Variants in ZNF558 observed in about 807,000 individuals in gnomAD.
ZNF558 encodes the protein zinc finger protein 558.
A neutral mutation model predicts 37.6 loss-of-function variants in ZNF558; 23 were observed. The observed-to-expected ratio is 0.61, with a 90% CI of 0.44 to 0.87. The LOEUF (loss-of-function observed/expected upper bound fraction) is 0.87. Among genes scored for constraint, ZNF558 ranks in the 40% least tolerant of loss-of-function variants. The pLI, the probability that ZNF558 is intolerant of heterozygous loss-of-function variation, is 0.00. For synonymous variants in ZNF558, 189 were observed against 174.4 expected, an observed-to-expected ratio of 1.08 and a Z score of -0.66; for missense variants, 429 against 483.7, an observed-to-expected ratio of 0.89 and a Z score of 1.06.
At chr19:8,834,983 A>G (rs566309312), upstream of ZNF558, among the ~76,000 whole-genome samples, 1 of 152,194 alleles carries the variant, frequency 6.6e-6, no homozygotes, top group Non-Finnish European at 1.5e-5. Flanking sequence ...CATGACTTGT[A>G]TTCAAAATAT....
At position 8,813,119 on chromosome 19, in the gene ZNF558, G is replaced by A; in HGVS notation, c.343+8C>T. On this transcript the variant is annotated splice_region_variant and intron_variant, in intron 8 of 9. Transcript: ENST00000601372. ...CCTCACAAGGGCTCATATCCACCTG[G>A]TGCTCACCTGGACAGGTGCTTGGTA... is the stretch of plus-strand genomic sequence containing the variant. The A allele has an allele frequency of 6.3e-7, 1 of 1,575,064 alleles. No homozygotes were observed. Among genetic ancestry groups the A allele is most frequent in the Non-Finnish European group, 8.6e-7 (1 of 1,158,060 alleles).
intron 3 of ZNF558, 107 bp downstream of exon 3, chr19:8,824,895 C>T (rs959070195): frequency 6.6e-6 from 1 of 152,582 alleles, no homozygotes; most frequent in African/African-American, 2.4e-5. Flanking sequence ...CCAGCCACAG[C>T]TCTTCACTCT....
chr19:8,825,793 T>A (rs1386758915), intron 2 of ZNF558, among the ~76,000 whole-genome samples: 1 of 152,088 alleles, frequency 6.6e-6, no homozygotes, highest in Non-Finnish European at 1.5e-5. Context: ...GGTAGACAGA[T>A]GATTAACTTC....
intron 7 of ZNF558, among the ~76,000 whole-genome samples, chr19:8,816,688 T>A (rs886915815): frequency 6.6e-6 from 1 of 152,090 alleles, no homozygotes; most frequent in Non-Finnish European, 1.5e-5. Context: ...GAAAAGATAA[T>A]GGAGAGTAAC....
At chr19:8,815,685 C>A (rs1465256607) in intron 7 of ZNF558, among the ~76,000 whole-genome samples, 1 of 151,920 alleles carries the variant, frequency 6.6e-6, no homozygotes, top group African/African-American at 2.4e-5. Flanking sequence ...ATTTGGGAGG[C>A]TGAGGTGGGA....
At chr19:8,817,556 T>C (rs1326337346) in intron 7 of ZNF558, among the ~76,000 whole-genome samples, 1 of 152,126 alleles carries the variant, frequency 6.6e-6, no homozygotes, top group Non-Finnish European at 1.5e-5. Context: ...TTTCATTGTT[T>C]TGCATTTTTG....
intron 6 of ZNF558, chr19:8,821,582 C>T: frequency 7.3e-7 from 1 of 1,370,274 alleles, no homozygotes; most frequent in Admixed American, 3.2e-5. Flanking sequence ...TACCACAGAG[C>T]AGCTGCCTTT....
intron 2 of ZNF558, among the ~76,000 whole-genome samples, chr19:8,830,591 C>T (rs1472788518): frequency 6.6e-6 from 1 of 152,090 alleles, no homozygotes; most frequent in East Asian, 1.9e-4. Context: ...GCCAATATGC[C>T]TTTAGAAATC....
chr19:8,835,404 A>G (rs1336884197), upstream of ZNF558, among the ~76,000 whole-genome samples: 1 of 152,198 alleles, frequency 6.6e-6, no homozygotes, highest in Non-Finnish European at 1.5e-5. Context: ...AGATACACAA[A>G]TGGCAAATAT....
At chr19:8,812,274 A>ATGC in intron 9 of ZNF558, among the ~76,000 whole-genome samples, 1 of 152,236 alleles carries the variant, frequency 6.6e-6, no homozygotes, top group Non-Finnish European at 1.5e-5. Context: ...TCAGATGCAC[A>ATGC]AAACATTTTC....
Position 8,822,214 on chromosome 19 carries a change from G to C in ZNF558, c.32-123C>G. 8.4e-7 allele frequency: 1 copy of C among 1,185,890 alleles called. No individual in the cohort carries two copies. The highest frequency in any genetic ancestry group is 1.5e-5 in the South Asian group (1 of 68,756). The allele number at this position is 1,185,890 out of a possible 1,614,324, so 73.5% of individuals were successfully genotyped here. On this transcript the variant is annotated intron_variant, in intron 5 of 9. Coordinates refer to ENST00000601372, the MANE Select transcript of ZNF558 (RefSeq NM_144693.3). The surrounding 1 kb of genome is among the most constrained non-coding windows in gnomAD (Gnocchi z 4.4). ...GAGGCACCACACAGTGCCCACCTAC[G>C]CTCCATGCAAACACCTACCCACAGC...
chr19:8,821,568 A>G (rs2145251368), intron 6 of ZNF558: 1 of 1,391,838 alleles, frequency 7.2e-7, no homozygotes, highest in South Asian at 1.6e-5. Context: ...GGTCCAGTGC[A>G]CAGTACCACA....
At chr19:8,813,262 C>T in intron 7 of ZNF558, 40 bp from the exon 8 acceptor site, 1 of 1,494,006 alleles carries the variant, frequency 6.7e-7, no homozygotes, top group Non-Finnish European at 9.2e-7. Flanking sequence ...GGTAACAGTG[C>T]TGGGGACAAC....
At chr19:8,812,492 T>C in intron 9 of ZNF558, 69 bp downstream of exon 9, 1 of 1,058,114 alleles carries the variant, frequency 9.5e-7, no homozygotes, top group South Asian at 1.9e-5. Flanking sequence ...CCTGGTTATT[T>C]TGTGCCCTTT....
chr19:8,821,802 C>T lies in ZNF558; in HGVS notation c.120+201G>A, dbSNP rs2044099504. On this transcript the variant is annotated intron_variant, in intron 6 of 9. Transcript: ENST00000601372. ...GGAGCACATGATGTACTCAGGGACC[C>T]TGGAGGGAGCTCTGAACCTGCAGTA... 6 of 1,408,410 alleles carry T rather than the reference C, an allele frequency of 4.3e-6. No homozygotes were observed. The South Asian group carries it at 9.1e-5, about 21-fold the overall frequency. The allele number at this position is 1,408,410 out of a possible 1,614,324, so 87.2% of individuals were successfully genotyped here.
chr19:8,828,291 G>T (rs1011404189), intron 2 of ZNF558, among the ~76,000 whole-genome samples: 1 of 152,266 alleles, frequency 6.6e-6, no homozygotes, highest in East Asian at 1.9e-4. Context: ...CTTAACATGC[G>T]TCCCTGAGTT....
chr19:8,821,051 T>C (rs964147372), intron 7 of ZNF558, 129 bp downstream of exon 7: 12 of 1,375,114 alleles, frequency 8.7e-6, no homozygotes, highest in Non-Finnish European at 1.2e-5. Flanking sequence ...CTGGACTGGA[T>C]ATCTTAGAAT....
At chr19:8,812,113 C>G in intron 9 of ZNF558, 50 bp from the exon 10 acceptor site, 1 of 1,383,964 alleles carries the variant, frequency 7.2e-7, no homozygotes, top group Non-Finnish European at 9.6e-7. Context: ...ATTTGAAATA[C>G]TTAATGTTCT....
chr19:8,811,189 CAAAT>C lies in ZNF558; in HGVS notation c.*88_*91del, dbSNP rs2043777382. 6 of 1,365,422 alleles carry C rather than the reference CAAAT, an allele frequency of 4.4e-6. No homozygotes were observed. The South Asian group carries it at 9.4e-5, about 21-fold the overall frequency. 84.6% of individuals were successfully genotyped at this position (1,365,422 alleles called of 1,614,324 possible). On this transcript the variant is annotated 3_prime_UTR_variant, in exon 10 of 10. Transcript: ENST00000601372. The stretch of plus-strand genomic sequence containing the variant: ...GCGGGGATCATTTGTTATGCTGCAA[CAAAT>C]AACTTATATATCCAGTGTGAGCTCT...
Sources: allele counts gnomAD v4.1 joint callset (sites outside exome capture counted in the v4.1 genomes callset), GRCh38; gene constraint gnomAD v4.1.1; non-coding constraint Gnocchi (gnomAD v3.1); transcripts MANE v1.5; gene names NCBI Gene and HGNC (gene_info 2026-07-23, HGNC 2026-07-21).